The following MBD2 variants were observed in gnomAD, a reference collection of about 807,000 sequenced individuals.
MBD2 encodes methyl-CpG-binding domain protein 2.
MBD2 carries 9 observed loss-of-function variants against 39.3 expected under a neutral mutation model. The ratio of observed to expected loss-of-function variants is 0.23; its 90% CI spans 0.14 to 0.40. The LOEUF is 0.40. MBD2 is among the 10% of genes least tolerant of loss of function. The pLI is 1.00. For missense variants in MBD2, 458 were observed against 532.6 expected (o/e 0.86, Z 1.38); for synonymous variants, 233 against 211.1 (o/e 1.10, Z -0.90).
intron 1 of MBD2, chr18:54,222,255 C>G (rs769715202): frequency 3.5e-5 from 15 of 427,962 alleles, no homozygotes; most frequent in South Asian, 2.5e-4. Context: ...TTTTTTTAAC[C>G]ACAATAACCT....
intron 2 of MBD2, among the ~76,000 whole-genome samples, chr18:54,190,215 A>G (rs1443561412): frequency 6.6e-6 from 1 of 152,116 alleles, no homozygotes; most frequent in African/African-American, 2.4e-5. Flanking sequence ...TCTTTGAATA[A>G]TGTCGTTTTG....
intron 3 of MBD2, among the ~76,000 whole-genome samples, chr18:54,176,179 A>G (rs1043480015): frequency 1.3e-5 from 2 of 152,230 alleles, no homozygotes; most frequent in African/African-American, 4.8e-5. Flanking sequence ...GGCTAAGTAG[A>G]GGGAGGACAG....
At chr18:54,223,673 G>A (rs1250998261) in intron 1 of MBD2, among the ~76,000 whole-genome samples, 1 of 152,190 alleles carries the variant, frequency 6.6e-6, no homozygotes, top group Non-Finnish European at 1.5e-5. Context: ...GACAGGCTGG[G>A]ACAGGAGCCA....
At position 54,224,450 on chromosome 18, in the gene MBD2, T is replaced by A; in HGVS notation, c.110A>T (p.Gln37Leu). The change falls in exon 1 of 7, where the codon CAG (glutamine) becomes CTG (leucine). Residue 37 changes from glutamine (Q) to leucine (L), a missense_variant. This residue lies in a region of MBD2 where 269 missense variants were observed against 236.0 expected (regional missense o/e 1.14). Transcript: ENST00000256429. ...GGDSAIEQGG[Q>L]GSALAPSPVS... Reference sequence around the variant, plus strand: ...CGGGGACGGGGCGAGCGCGCTGCCCTGGCCCCCCTGCTCTATGGCGGAGTC... The same window carrying A: ...CGGGGACGGGGCGAGCGCGCTGCCCAGGCCCCCCTGCTCTATGGCGGAGTC... 8.1e-7 allele frequency: 1 copy of A among 1,236,948 alleles called. No individual in the cohort carries two copies. The highest frequency in any genetic ancestry group is 1.0e-6 in the Non-Finnish European group (1 of 993,626). 76.6% of individuals were successfully genotyped at this position (1,236,948 alleles called of 1,614,324 possible).
chr18:54,185,770 A>G (rs2086282287), intron 3 of MBD2, among the ~76,000 whole-genome samples: 1 of 152,154 alleles, frequency 6.6e-6, no homozygotes, highest in Non-Finnish European at 1.5e-5. Context: ...AAGACAAGCA[A>G]TCATCAAATA....
In MBD2 at chr18:54,152,111, G is replaced by A. The variant is rs2086025455; in HGVS notation, c.*3213C>T. On this transcript the variant is annotated 3_prime_UTR_variant, in exon 7 of 7. Coordinates refer to ENST00000256429, the MANE Select transcript of MBD2 (RefSeq NM_003927.5). ...TACAATACAATAAAGTGCTTCCATG[G>A]AGGTATTTACAAAGTGCGGTGGGAA... The A allele has an allele frequency of 6.6e-6, 1 of 152,220 alleles. No individual in the cohort carries two copies. The highest frequency in any genetic ancestry group is 2.4e-5 in the African/African-American group (1 of 41,448). The allele number at this position is 152,220 out of a possible 1,614,324, so 9.4% of individuals were successfully genotyped here.
intron 4 of MBD2, among the ~76,000 whole-genome samples, chr18:54,165,146 T>G (rs2144282339): frequency 6.6e-6 from 1 of 152,346 alleles, no homozygotes; most frequent in African/African-American, 2.4e-5. Context: ...TAGTCTCTCC[T>G]TGTAGCTTTT....
chr18:54,222,092 A>G (rs2086618932), intron 1 of MBD2, among the ~76,000 whole-genome samples: 1 of 152,238 alleles, frequency 6.6e-6, no homozygotes, highest in Non-Finnish European at 1.5e-5. Flanking sequence ...GTCAAATATA[A>G]TTGCCTACAA....
intron 1 of MBD2, among the ~76,000 whole-genome samples, chr18:54,217,937 T>C (rs2086574924): frequency 1.3e-5 from 2 of 152,210 alleles, no homozygotes; most frequent in African/African-American, 2.4e-5. Context: ...AAAGATGTGA[T>C]AGTACAGCTA....
chr18:54,167,399 A>G (rs1296045495), intron 3 of MBD2, among the ~76,000 whole-genome samples: 1 of 152,224 alleles, frequency 6.6e-6, no homozygotes, highest in Non-Finnish European at 1.5e-5. Context: ...AGAATCTTCA[A>G]TTTATTTTCT....
chr18:54,208,032 T>C (rs2086465616), intron 1 of MBD2, among the ~76,000 whole-genome samples: 1 of 151,060 alleles, frequency 6.6e-6, no homozygotes, highest in African/African-American at 2.4e-5. Context: ...ATCGAGAGTC[T>C]GTCTCAAAAA....
At chr18:54,219,906 T>C (rs1472673898) in intron 1 of MBD2, among the ~76,000 whole-genome samples, 2 of 152,242 alleles carry the variant, frequency 1.3e-5, no homozygotes, top group African/African-American at 4.8e-5. Context: ...GTTCACGCCA[T>C]TCTCCTGCCT....
intron 2 of MBD2, among the ~76,000 whole-genome samples, chr18:54,197,039 T>C (rs1599096445): frequency 6.6e-6 from 1 of 152,250 alleles, no homozygotes; most frequent in Non-Finnish European, 1.5e-5. Flanking sequence ...TATTCACTTA[T>C]TAAAAATATT....
At chr18:54,163,820 A>G (rs1465010348) in intron 5 of MBD2, among the ~76,000 whole-genome samples, 1 of 151,952 alleles carries the variant, frequency 6.6e-6, no homozygotes, top group Non-Finnish European at 1.5e-5. Context: ...TTAAAGAGAG[A>G]TTGGTTTCCA....
chr18:54,188,932 T>C lies in MBD2; in HGVS notation c.782A>G (p.Asn261Ser). ...IFKQPVTKVT[N>S]HPSNKVKSDP... ...TGATTTCACTTTATTACTAGGATGA[T>C]TTGTGACTTTGGTTACCGGTTGTTT... Residue 261 changes from asparagine (N) to serine (S), a missense_variant, in exon 3 of 7, where the codon AAT (asparagine) becomes AGT (serine). Asn to Ser is a conservative substitution (Grantham distance 46, BLOSUM62 1). Around this residue, in one of 2 missense-constraint regions of MBD2, gnomAD observed 189 missense variants for 296.6 expected, o/e 0.64. Coordinates refer to ENST00000256429, the MANE Select transcript of MBD2 (RefSeq NM_003927.5). 1.2e-6 allele frequency: 2 copies of C among 1,610,670 alleles called. No individual in the cohort carries two copies. The highest frequency in any genetic ancestry group is 2.2e-5 in the East Asian group (1 of 44,772).
chr18:54,170,909 G>T (rs2086175124), intron 3 of MBD2, among the ~76,000 whole-genome samples: 1 of 152,182 alleles, frequency 6.6e-6, no homozygotes, highest in African/African-American at 2.4e-5. Context: ...CAGAGTGCAG[G>T]TCAGTGTTTC....
intron 2 of MBD2, chr18:54,203,080 G>A (rs1439275687): frequency 4.5e-6 from 7 of 1,566,894 alleles, no homozygotes; most frequent in Non-Finnish European, 5.3e-6. Flanking sequence ...CCATGGTGCA[G>A]GACGATGAGT....
chr18:54,195,505 A>G (rs1400736104), intron 2 of MBD2, among the ~76,000 whole-genome samples: 1 of 152,162 alleles, frequency 6.6e-6, no homozygotes, highest in Non-Finnish European at 1.5e-5. Context: ...TTTGAGAAGC[A>G]GAGACTATAT....
intron 2 of MBD2, chr18:54,202,799 A>C: frequency 6.5e-7 from 1 of 1,546,746 alleles, no homozygotes; most frequent in Non-Finnish European, 8.7e-7. Context: ...CGTGTGCAAA[A>C]GCAAAAAAAG....
Sources: allele counts gnomAD v4.1 joint callset (sites outside exome capture counted in the v4.1 genomes callset), GRCh38; gene constraint gnomAD v4.1.1; regional missense constraint gnomAD v4.1.1; transcripts MANE v1.5; gene names NCBI Gene and HGNC (gene_info 2026-07-23, HGNC 2026-07-21).